Variants in NINJ2 observed in about 807,000 individuals in gnomAD.
NINJ2 encodes the protein ninjurin-2.
A neutral mutation model predicts 11.7 loss-of-function variants in NINJ2; 12 were observed. That is an observed-to-expected ratio of 1.02 (90% CI 0.66 to 1.66). NINJ2 has a LOEUF of 1.66. Among genes scored for constraint, NINJ2 ranks in the 40% most tolerant of loss-of-function variants. NINJ2 has a pLI of 0.00. For synonymous variants in NINJ2, 93 were observed against 76.8 expected, an observed-to-expected ratio of 1.21 and a Z score of -1.10; for missense variants, 187 against 181.8, an observed-to-expected ratio of 1.03 and a Z score of -0.16.
At chr12:622,235 C>T (rs1948161124) in intron 1 of NINJ2, among the ~76,000 whole-genome samples, 2 of 151,406 alleles carry the variant, frequency 1.3e-5, no homozygotes, top group Admixed American at 1.3e-4. Context: ...CGGTGAAACC[C>T]CGTCTCTACT....
At chr12:582,123 G>C (rs982563541) in intron 1 of NINJ2, among the ~76,000 whole-genome samples, 1 of 152,214 alleles carries the variant, frequency 6.6e-6, no homozygotes, top group Non-Finnish European at 1.5e-5. Flanking sequence ...ATTTGAACCC[G>C]GGTCTGTCCT....
intron 1 of NINJ2, among the ~76,000 whole-genome samples, chr12:594,025 A>T (rs1947751023): frequency 6.6e-6 from 1 of 152,240 alleles, no homozygotes; most frequent in African/African-American, 2.4e-5. Context: ...CCACGAAGAC[A>T]GGGAACAAGG....
chr12:649,531 G>GTATGTATATATATATATATATATATA (rs1555167491), intron 1 of NINJ2, among the ~76,000 whole-genome samples: 2 of 127,696 alleles, frequency 1.6e-5, no homozygotes, highest in East Asian at 5.1e-4. Flanking sequence ...GTGTATATGT[G>GTATGTATATATATATATATATATATA]TATATATATA....
chr12:583,642 G>C (rs1345651912), intron 1 of NINJ2, among the ~76,000 whole-genome samples: 1 of 152,210 alleles, frequency 6.6e-6, no homozygotes, highest in Non-Finnish European at 1.5e-5. Context: ...ACAGCTTGGG[G>C]GTCTCCAACC....
chr12:606,990 C>T (rs1022568304), intron 1 of NINJ2, among the ~76,000 whole-genome samples: 5 of 152,182 alleles, frequency 3.3e-5, no homozygotes, highest in Admixed American at 6.5e-5. Context: ...CCAACTCTTC[C>T]GGAGGCCCGG....
chr12:569,942 T>A (rs558129133), intron 1 of NINJ2, among the ~76,000 whole-genome samples: 3 of 152,024 alleles, frequency 2.0e-5, no homozygotes, highest in African/African-American at 7.2e-5. Flanking sequence ...GCGCGCGCGG[T>A]CCAGAGACGT....
intron 1 of NINJ2, among the ~76,000 whole-genome samples, chr12:577,837 G>A (rs1324282218): frequency 6.6e-6 from 1 of 151,734 alleles, no homozygotes; most frequent in East Asian, 1.9e-4. Context: ...GATTACAGGC[G>A]TGAGCCACTG....
At chr12:618,928 A>G (rs1948123541) in intron 1 of NINJ2, among the ~76,000 whole-genome samples, 1 of 152,334 alleles carries the variant, frequency 6.6e-6, no homozygotes, top group South Asian at 2.1e-4. Flanking sequence ...AGCCCTGTTC[A>G]GGTGCAGAAA....
rs114458508 is a variant in NINJ2, at chr12:614,534, G to C, written c.34-48356C>G. 1.0e-3 allele frequency among the ~76,000 whole-genome samples: 156 copies of C among 152,264 alleles called. No individual in the cohort carries two copies. The highest frequency in any genetic ancestry group is 3.6e-3 in the Admixed American group (55 of 15,286). On this transcript the variant is annotated intron_variant, in intron 1 of 3. Coordinates refer to ENST00000305108, the MANE Select transcript of NINJ2 (RefSeq NM_016533.6). This position sits in a 1 kb window ranked among gnomAD's most constrained non-coding sequence, Gnocchi z 5.1. ...GGCACTCTTCCCTCACAGTCCTGCCGGGCCTGGCTCCCTCCCTCTGTCTTC... is the reference window on the plus strand; with the variant it reads ...GGCACTCTTCCCTCACAGTCCTGCCCGGCCTGGCTCCCTCCCTCTGTCTTC...
intron 1 of NINJ2, among the ~76,000 whole-genome samples, chr12:599,587 A>T (rs542529245): frequency 6.6e-6 from 1 of 152,174 alleles, no homozygotes; most frequent in Non-Finnish European, 1.5e-5. Context: ...CCCCCCATTT[A>T]CTGGTGAGAA....
chr12:662,580 C>T (rs965246964), intron 1 of NINJ2, among the ~76,000 whole-genome samples: 3 of 152,190 alleles, frequency 2.0e-5, no homozygotes, highest in Non-Finnish European at 4.4e-5. Flanking sequence ...TTGTTTGATT[C>T]TCTGCAATGT....
intron 1 of NINJ2, among the ~76,000 whole-genome samples, chr12:571,100 C>G (rs2120795389): frequency 6.6e-6 from 1 of 152,342 alleles, no homozygotes; most frequent in South Asian, 2.1e-4. Flanking sequence ...TCAAGGGCGG[C>G]AGGACACTGA....
intron 1 of NINJ2, among the ~76,000 whole-genome samples, chr12:599,245 G>A (rs11063805): frequency 0.036 from 5,458 of 151,974 alleles, 144 homozygotes; most frequent in Non-Finnish European, 0.056. Context: ...CTAGCCAGGT[G>A]TGGTGGCAGG....
At chr12:621,540 C>G (rs1948152947) in intron 1 of NINJ2, among the ~76,000 whole-genome samples, 1 of 151,176 alleles carries the variant, frequency 6.6e-6, no homozygotes, top group South Asian at 2.1e-4. Context: ...AGAGAGAGAG[C>G]CTGGGCACAG....
intron 1 of NINJ2, among the ~76,000 whole-genome samples, chr12:658,646 TTATGCTATGCTATGC>T (rs141722591): frequency 0.36 from 47,109 of 130,638 alleles, 8,895 homozygotes; most frequent in East Asian, 0.43. Flanking sequence ...AACTTCTCTA[TTATGCTATGCTATGC>T]TATGCTATGC....
intron 1 of NINJ2, among the ~76,000 whole-genome samples, chr12:650,859 A>G (rs1937776181): frequency 1.3e-5 from 2 of 152,230 alleles, no homozygotes; most frequent in African/African-American, 2.4e-5. Context: ...GGAAAAATCA[A>G]CAACTCTTCT....
chr12:592,160 G>T lies in NINJ2; in HGVS notation c.34-25982C>A, dbSNP rs888857566. Among the ~76,000 whole-genome samples, 4 of 152,118 alleles carry T rather than the reference G, an allele frequency of 2.6e-5. No homozygotes were observed. In the East Asian group the frequency reaches 7.7e-4, roughly 29 times the overall value. On this transcript the variant is annotated intron_variant, in intron 1 of 3. Coordinates refer to ENST00000305108, the MANE Select transcript of NINJ2 (RefSeq NM_016533.6). ...TAGGTGACCTTGAACAAGCTAAGTTGTCTGAGCCATAGTGTCCCCAAGTGC... is the reference window on the plus strand; with the variant it reads ...TAGGTGACCTTGAACAAGCTAAGTTTTCTGAGCCATAGTGTCCCCAAGTGC...
At chr12:579,620 A>G (rs1947518723) in intron 1 of NINJ2, among the ~76,000 whole-genome samples, 1 of 152,180 alleles carries the variant, frequency 6.6e-6, no homozygotes, top group Non-Finnish European at 1.5e-5. Context: ...CAGGACAAAT[A>G]CATAATTGAT....
intron 1 of NINJ2, among the ~76,000 whole-genome samples, chr12:652,892 A>G (rs1331404575): frequency 6.6e-6 from 1 of 150,828 alleles, no homozygotes; most frequent in Non-Finnish European, 1.5e-5. Context: ...GGTTGCAGTG[A>G]GCCGAGATCA....
Sources: allele counts gnomAD v4.1 joint callset (sites outside exome capture counted in the v4.1 genomes callset), GRCh38; gene constraint gnomAD v4.1.1; non-coding constraint Gnocchi (gnomAD v3.1); transcripts MANE v1.5; gene names NCBI Gene and HGNC (gene_info 2026-07-23, HGNC 2026-07-21).